AARSD1: variants seen among roughly 807,000 people sequenced by gnomAD.
AARSD1 encodes alanyl-tRNA editing protein Aarsd1.
A neutral mutation model predicts 48.7 loss-of-function variants in AARSD1; 44 were observed. The ratio of observed to expected loss-of-function variants is 0.90; its 90% CI spans 0.71 to 1.16. AARSD1 has a LOEUF of 1.16. Among genes scored for constraint, AARSD1 ranks in the 50% most tolerant of loss-of-function variants. AARSD1 has a pLI of 0.00. For missense variants in AARSD1, 511 were observed against 523.1 expected, an observed-to-expected ratio of 0.98 and a Z score of 0.23; for synonymous variants, 189 against 194.9, an observed-to-expected ratio of 0.97 and a Z score of 0.25.
intron 3 of AARSD1, 33 bp from the exon 4 acceptor site, chr17:42,957,228 T>C: frequency 6.2e-7 from 1 of 1,612,270 alleles, no homozygotes; most frequent in East Asian, 2.2e-5. Context: ...AGGAGAAAAG[T>C]GAGAAGCCTA....
At chr17:42,953,997 A>ATTTCC (rs1312565460) in intron 9 of AARSD1, 49 of 584,302 alleles carry the variant, frequency 8.4e-5, no homozygotes, top group Non-Finnish European at 4.3e-5. Context: ...ATCTCCCTTA[A>ATTTCC]ATAGGATTCA....
chr17:42,959,712 G>A (rs1489312985), intron 3 of AARSD1, among the ~76,000 whole-genome samples: 1 of 150,798 alleles, frequency 6.6e-6, no homozygotes, highest in African/African-American at 2.4e-5. Flanking sequence ...TCGCCAGGCT[G>A]GAGTGCAGTG....
intron 11 of AARSD1, 129 bp downstream of exon 11, chr17:42,951,671 G>A (rs774207058): frequency 7.6e-5 from 74 of 976,426 alleles, no homozygotes; most frequent in Non-Finnish European, 1.1e-4. Context: ...TCTCTGCTCA[G>A]CCCACCTCAC....
intron 3 of AARSD1, 59 bp from the exon 4 acceptor site, chr17:42,957,254 A>G: frequency 1.2e-6 from 2 of 1,600,086 alleles, no homozygotes; most frequent in Non-Finnish European, 1.7e-6. Context: ...TCCCACAATG[A>G]TAAAATATGA....
rs772384772 is a variant in AARSD1, at chr17:42,964,401, C to T, written c.39+1G>A. The T allele has an allele frequency of 6.4e-7, 1 of 1,551,864 alleles. No individual in the cohort carries two copies. The highest frequency in any genetic ancestry group is 8.7e-7 in the Non-Finnish European group (1 of 1,147,532). Reference sequence around the variant, plus strand: ...TCAAGTGCCTCGCCGTGACGCCGTACCTCTCGGGCATAACTGTCACGCTGA... The same window carrying T: ...TCAAGTGCCTCGCCGTGACGCCGTATCTCTCGGGCATAACTGTCACGCTGA... On this transcript the variant is annotated splice_donor_variant, in intron 1 of 11. Transcript: ENST00000427569. LOFTEE classifies it high-confidence loss of function.
intron 10 of AARSD1, chr17:42,952,157 T>C (rs1448999616): frequency 1.7e-5 from 8 of 464,200 alleles, no homozygotes; most frequent in East Asian, 3.7e-5. Flanking sequence ...ATGCCTTTCA[T>C]GGTTTCACTC....
intron 3 of AARSD1, among the ~76,000 whole-genome samples, chr17:42,958,483 C>T (rs575684790): frequency 1.3e-5 from 2 of 151,332 alleles, no homozygotes; most frequent in East Asian, 3.9e-4. Flanking sequence ...CAAAGTGAGA[C>T]TCTGTCTCAA....
chr17:42,961,782 C>A (rs1271084019), intron 2 of AARSD1, among the ~76,000 whole-genome samples: 2 of 152,084 alleles, frequency 1.3e-5, no homozygotes, highest in African/African-American at 4.8e-5. Flanking sequence ...TGTAATCCCA[C>A]CACTTTGGGA....
intron 9 of AARSD1, 124 bp downstream of exon 9, chr17:42,954,752 T>TCTA: frequency 9.3e-7 from 1 of 1,080,706 alleles, no homozygotes; most frequent in Non-Finnish European, 1.4e-6. Flanking sequence ...TTTCTTAGGA[T>TCTA]CTACTCAACC....
intron 7 of AARSD1, 30 bp from the exon 8 acceptor site, chr17:42,955,254 G>A (rs368238336): frequency 5.9e-5 from 95 of 1,612,650 alleles, no homozygotes; most frequent in African/African-American, 1.2e-4. Flanking sequence ...GGAGACCTGC[G>A]CAGCTTCCCA....
At chr17:42,956,628 C>A in intron 4 of AARSD1, 68 bp from the exon 5 acceptor site, 5 of 721,812 alleles carry the variant, frequency 6.9e-6, no homozygotes, top group Non-Finnish European at 1.0e-5. Context: ...AGCTTTTCCT[C>A]TAAAAACTGG....
chr17:42,960,247 G>A (rs1431947983), intron 3 of AARSD1, among the ~76,000 whole-genome samples: 7 of 151,552 alleles, frequency 4.6e-5, no homozygotes, highest in South Asian at 4.2e-4. Context: ...CAGCCTGGGC[G>A]ACAGAGCGAG....
Position 42,964,392 on chromosome 17 carries a change from G to A in AARSD1, c.39+10C>T, listed in dbSNP as rs1245074652. 1.3e-6 allele frequency: 2 copies of A among 1,553,148 alleles called. No individual in the cohort carries two copies. Among genetic ancestry groups the A allele is most frequent in the Non-Finnish European group, 1.7e-6 (2 of 1,148,228 alleles). On this transcript the variant is annotated intron_variant, in intron 1 of 11. Coordinates refer to ENST00000427569, the MANE Select transcript of AARSD1 (RefSeq NM_001261434.2). Reference sequence around the variant, plus strand: ...CCGGCAGTCTCAAGTGCCTCGCCGTGACGCCGTACCTCTCGGGCATAACTG... The same window carrying A: ...CCGGCAGTCTCAAGTGCCTCGCCGTAACGCCGTACCTCTCGGGCATAACTG...
intron 11 of AARSD1, 93 bp from the exon 12 acceptor site, chr17:42,950,821 A>C (rs971653936): frequency 2.0e-6 from 3 of 1,500,492 alleles, no homozygotes; most frequent in Middle Eastern, 2.0e-4. Flanking sequence ...GGACTGGGAG[A>C]GGGATAAGAA....
intron 7 of AARSD1, 101 bp downstream of exon 7, chr17:42,955,741 G>A (rs541258770): frequency 2.0e-5 from 31 of 1,561,928 alleles, no homozygotes; most frequent in Admixed American, 1.4e-4. Flanking sequence ...ACGCCTGGCC[G>A]CACTTTATCA....
At chr17:42,962,793 G>A (rs1283297727) in intron 2 of AARSD1, among the ~76,000 whole-genome samples, 1 of 152,220 alleles carries the variant, frequency 6.6e-6, no homozygotes, top group African/African-American at 2.4e-5. Context: ...GCCTTTGGGA[G>A]GCCAAGGTGG....
In AARSD1 at chr17:42,955,881, C is replaced by T. The variant is rs947887673; in HGVS notation, c.755G>A (p.Arg252Lys). ...CAGTGCTTTTTCAGTTCCATGACTTCTCTCCATCCACTTCAGCACCCGGTT... is the reference window on the plus strand; with the variant it reads ...CAGTGCTTTTTCAGTTCCATGACTTTTCTCCATCCACTTCAGCACCCGGTT... ...SGNRVLKWME[R>K]SHGTEKALTA... is the part of the protein sequence containing the mutation. The change falls in exon 7 of 12, where the codon AGA becomes AAA. Residue 252 changes from arginine (R) to lysine (K), a missense_variant. Arg to Lys is a conservative substitution (Grantham distance 26, BLOSUM62 2). Coordinates refer to ENST00000427569, the MANE Select transcript of AARSD1 (RefSeq NM_001261434.2). 1.2e-6 allele frequency: 2 copies of T among 1,614,032 alleles called. No individual in the cohort carries two copies. The highest frequency in any genetic ancestry group is 1.7e-5 in the Admixed American group (1 of 59,982).
At chr17:42,959,970 T>C (rs888413484) in intron 3 of AARSD1, among the ~76,000 whole-genome samples, 5 of 152,000 alleles carry the variant, frequency 3.3e-5, no homozygotes, top group African/African-American at 9.7e-5. Context: ...CTGCCATATT[T>C]TCATTTTTAA....
rs112968358 is a variant in AARSD1, at chr17:42,961,190, A to C, written c.331+2T>G. On this transcript the variant is annotated splice_donor_variant, in intron 3 of 11. Transcript: ENST00000427569. LOFTEE classifies it high-confidence loss of function. ...TGTTATGTCCCCCATCCCAGCCTTT[A>C]CCTGAATGCTGCTGCATGTGGTCAA... 6.2e-7 allele frequency: 1 copy of C among 1,608,568 alleles called. No individual in the cohort carries two copies. The highest frequency in any genetic ancestry group is 1.3e-5 in the African/African-American group (1 of 74,852).
Sources: allele counts gnomAD v4.1 joint callset (sites outside exome capture counted in the v4.1 genomes callset), GRCh38; gene constraint gnomAD v4.1.1; transcripts MANE v1.5; gene names NCBI Gene and HGNC (gene_info 2026-07-23, HGNC 2026-07-21).